TAF1D: variants seen among roughly 807,000 people sequenced by gnomAD.
TAF1D encodes TATA box-binding protein-associated factor RNA polymerase I subunit D.
TAF1D carries 23 observed loss-of-function variants against 26.2 expected under a neutral mutation model. That is an observed-to-expected ratio of 0.88 (90% CI 0.63 to 1.25). TAF1D has a LOEUF of 1.25. Ranked by LOEUF, TAF1D falls within the 50% of genes most tolerant of loss-of-function variation. TAF1D has a pLI of 0.00. For missense variants in TAF1D, 299 were observed against 322.0 expected (o/e 0.93, Z 0.55); for synonymous variants, 100 against 105.6 (o/e 0.95, Z 0.33).
intron 5 of TAF1D, 133 bp downstream of exon 5, chr11:93,736,561 C>G (rs1054066779): frequency 7.7e-6 from 11 of 1,426,368 alleles, no homozygotes; most frequent in Non-Finnish European, 1.0e-5. Context: ...TTCCTTCTTG[C>G]ATTTCCTGCA....
At chr11:93,740,284 A>G (rs754487878) in intron 1 of TAF1D, among the ~76,000 whole-genome samples, 19 of 151,866 alleles carry the variant, frequency 1.3e-4, no homozygotes, top group Non-Finnish European at 2.1e-4. Flanking sequence ...TCTCTACAAA[A>G]AATTCTTAAA....
chr11:93,731,435 T>C, downstream of TAF1D: 5 of 507,824 alleles, frequency 9.8e-6, no homozygotes, highest in South Asian at 7.1e-5. Context: ...TATGATCATG[T>C]TTCTGGTAAC....
intron 4 of TAF1D, 57 bp downstream of exon 4, chr11:93,737,007 A>G: frequency 1.4e-6 from 2 of 1,401,910 alleles, no homozygotes; most frequent in Non-Finnish European, 1.9e-6. Flanking sequence ...TGAAGCAATT[A>G]ACATAGAAAT....
Position 93,737,200 on chromosome 11 carries a change from G to C in TAF1D, c.499C>G (p.Leu167Val), listed in dbSNP as rs1230958706. ...ARGFFNYIEK[L>V]KYEHHLKESL... ...TCTTTCAGGTGGTGTTCATACTTCA[G>C]TTTTTCAATATAGTTAAAAAATCCT... Residue 167 changes from leucine (L) to valine (V), a missense_variant, in exon 4 of 6, where the codon CTG becomes GTG. Transcript: ENST00000448108. The C allele has an allele frequency of 6.2e-7, 1 of 1,606,934 alleles. No homozygotes were observed. The highest frequency in any genetic ancestry group is 1.3e-5 in the African/African-American group (1 of 74,644).
At chr11:93,734,057 AGTTT>A (rs1940087387), downstream of TAF1D, 1 of 152,492 alleles carries the variant, frequency 6.6e-6, no homozygotes, top group East Asian at 1.9e-4. Flanking sequence ...TTAAGATTTA[AGTTT>A]AAAGTCTAAC....
downstream of TAF1D, chr11:93,732,998 C>A: frequency 6.3e-6 from 2 of 319,474 alleles, no homozygotes; most frequent in Non-Finnish European, 1.2e-5. Context: ...CTTACTAATT[C>A]TGTGTTATAC....
chr11:93,735,533 T>G (rs1052281389), downstream of TAF1D: 1 of 441,534 alleles, frequency 2.3e-6, no homozygotes, highest in Admixed American at 6.0e-5. Context: ...TAGCTGGGTG[T>G]GCTGGCTAAC....
In TAF1D at chr11:93,738,386, G is replaced by A. The variant is rs1482421264; in HGVS notation, c.182C>T (p.Ala61Val). 6.2e-7 allele frequency: 1 copy of A among 1,613,758 alleles called. No homozygotes were observed. The highest frequency in any genetic ancestry group is 2.2e-5 in the East Asian group (1 of 44,866). ...AGATGAGTCACTTGATGAATCACTT[G>A]CGTGAACACTTTCAGGTGTACGAAC... ...KFVRTPESVH[A>V]SDSSSDSSFE... The change falls in exon 3 of 6, where the codon GCA becomes GTA. Residue 61 changes from alanine to valine, a missense_variant. By Grantham distance (64) the Ala-to-Val change is moderately conservative. Coordinates refer to ENST00000448108, the MANE Select transcript of TAF1D (RefSeq NM_024116.4).
downstream of TAF1D, chr11:93,733,069 G>A: frequency 2.9e-6 from 1 of 340,090 alleles, no homozygotes; most frequent in Non-Finnish European, 5.8e-6. Flanking sequence ...ATTATTATAA[G>A]TTAAATATTT....
At chr11:93,738,062 G>A (rs1380022767) in intron 3 of TAF1D, 47 bp downstream of exon 3, 1 of 1,505,996 alleles carries the variant, frequency 6.6e-7, no homozygotes. Context: ...AAATCATTTT[G>A]GGCATCTTGA....
downstream of TAF1D, chr11:93,730,596 C>T (rs758546189): frequency 5.1e-6 from 3 of 585,670 alleles, no homozygotes; most frequent in Non-Finnish European, 9.8e-6. Context: ...TTGGTCACAG[C>T]GTTAAGAGCT....
rs760365748 is a variant in TAF1D, at chr11:93,738,382, A to T, written c.186T>A (p.Ser62Arg). The stretch of plus-strand genomic sequence containing the variant: ...CAAAAGATGAGTCACTTGATGAATC[A>T]CTTGCGTGAACACTTTCAGGTGTAC... The part of the protein sequence containing the change: ...FVRTPESVHA[S>R]DSSSDSSFEP... The change falls in exon 3 of 6, where the codon AGT (serine) becomes AGA (arginine). Residue 62 changes from serine (S) to arginine (R), a missense_variant. Physicochemically the swap from Ser to Arg is moderately radical, Grantham distance 110. Coordinates refer to ENST00000448108, the MANE Select transcript of TAF1D (RefSeq NM_024116.4). 3.7e-6 allele frequency: 6 copies of T among 1,613,994 alleles called. No individual in the cohort carries two copies. Among genetic ancestry groups the T allele is most frequent in the Non-Finnish European group, 5.1e-6 (6 of 1,179,990 alleles).
downstream of TAF1D, chr11:93,734,781 C>G (rs941742192): frequency 6.4e-6 from 8 of 1,255,038 alleles, no homozygotes; most frequent in Admixed American, 1.6e-4. Flanking sequence ...TGGAATCAAC[C>G]TTTTTTTCTT....
intron 2 of TAF1D, chr11:93,738,940 T>C (rs2135516629): frequency 2.3e-6 from 1 of 435,896 alleles, no homozygotes; most frequent in Non-Finnish European, 4.1e-6. Flanking sequence ...CTGCTAAGAG[T>C]GTCTGAGTAA....
At chr11:93,740,176 C>T (rs540965875) in intron 1 of TAF1D, among the ~76,000 whole-genome samples, 2 of 151,476 alleles carry the variant, frequency 1.3e-5, no homozygotes, top group African/African-American at 4.8e-5. Flanking sequence ...AGAATAGTGG[C>T]GCGCGCCTGT....
chr11:93,737,990 G>A (rs1941144881), intron 3 of TAF1D, 119 bp downstream of exon 3: 10 of 1,179,238 alleles, frequency 8.5e-6, no homozygotes, highest in Non-Finnish European at 1.2e-5. Context: ...CAGTATAGAA[G>A]AGTATCAAAA....
exon 12 of TAF1D, chr11:93,730,453 G>C: frequency 1.3e-6 from 1 of 753,128 alleles, no homozygotes; most frequent in Non-Finnish European, 2.4e-6. Context: ...TTGCCCTGAA[G>C]AAGAGAAATT....
In TAF1D at chr11:93,739,028, G is replaced by A. The variant is rs1048134911; in HGVS notation, c.68+209C>T. 1.9e-5 allele frequency: 10 copies of A among 540,136 alleles called. No individual in the cohort carries two copies. In the East Asian group the frequency reaches 2.2e-4, roughly 12 times the overall value. The allele number at this position is 540,136 out of a possible 1,614,324, so 33.5% of individuals were successfully genotyped here. Reference sequence around the variant, plus strand: ...TGACCCAAAGAATACATTTTTTCTCGACGAATGTGTCCCATAATATATTCA... The same window carrying A: ...TGACCCAAAGAATACATTTTTTCTCAACGAATGTGTCCCATAATATATTCA... On this transcript the variant is annotated intron_variant, in intron 2 of 5. Transcript: ENST00000448108.
chr11:93,730,197 A>G (rs1470643201), exon 12 of TAF1D: 3 of 1,551,374 alleles, frequency 1.9e-6, no homozygotes, highest in Non-Finnish European at 2.6e-6. Flanking sequence ...CATGAAGTAC[A>G]CAACTGAAAC....
Sources: allele counts gnomAD v4.1 joint callset (sites outside exome capture counted in the v4.1 genomes callset), GRCh38; gene constraint gnomAD v4.1.1; transcripts MANE v1.5; gene names NCBI Gene and HGNC (gene_info 2026-07-23, HGNC 2026-07-21).